The following SGCG variants were observed in gnomAD, a reference collection of about 807,000 sequenced individuals.
SGCG encodes sarcoglycan gamma.
In SGCG, 26 loss-of-function variants were observed where a neutral mutation model predicts 29.3. The ratio of observed to expected loss-of-function variants is 0.89; its 90% CI spans 0.65 to 1.23. SGCG has a LOEUF of 1.23. Among genes scored for constraint, SGCG ranks in the 50% most tolerant of loss-of-function variants. The pLI, the probability that SGCG is intolerant of heterozygous loss-of-function variation, is 0.00. For synonymous variants in SGCG, 145 were observed against 129.7 expected, an observed-to-expected ratio of 1.12 and a Z score of -0.80; for missense variants, 353 against 356.0, an observed-to-expected ratio of 0.99 and a Z score of 0.07.
At chr13:23,283,374 C>A (rs1052618399) in intron 5 of SGCG, among the ~76,000 whole-genome samples, 1 of 152,008 alleles carries the variant, frequency 6.6e-6, no homozygotes, top group Non-Finnish European at 1.5e-5. Context: ...TTATGTAATG[C>A]CCTTCTTTGT....
At chr13:23,286,829 C>A (rs145393533) in intron 5 of SGCG, among the ~76,000 whole-genome samples, 2 of 152,148 alleles carry the variant, frequency 1.3e-5, no homozygotes, top group African/African-American at 4.8e-5. Flanking sequence ...ATAAGATGAC[C>A]CGAGGTGAAT....
At chr13:23,200,152 G>C (rs189755789) in intron 1 of SGCG, among the ~76,000 whole-genome samples, 22 of 152,326 alleles carry the variant, frequency 1.4e-4, no homozygotes, top group South Asian at 8.3e-4. Context: ...GCCGGGCGTG[G>C]TGGTGCATGC....
At chr13:23,238,643 C>A (rs1879396305) in intron 3 of SGCG, among the ~76,000 whole-genome samples, 1 of 152,100 alleles carries the variant, frequency 6.6e-6, no homozygotes. Flanking sequence ...ATGCTTTTTC[C>A]AAGTGATTTG....
intron 2 of SGCG, among the ~76,000 whole-genome samples, chr13:23,223,296 A>G (rs1188314942): frequency 1.1e-3 from 146 of 138,136 alleles, no homozygotes; most frequent in African/African-American, 3.8e-3. Flanking sequence ...AAAAAAAAAA[A>G]AAGAGTACAA....
chr13:23,270,201 CAG>C (rs1210999607), intron 4 of SGCG, among the ~76,000 whole-genome samples: 1 of 152,180 alleles, frequency 6.6e-6, no homozygotes, highest in Non-Finnish European at 1.5e-5. Flanking sequence ...GGTATATCCT[CAG>C]GGTAGATTCC....
chr13:23,208,086 G>A (rs1037865417), intron 2 of SGCG, among the ~76,000 whole-genome samples: 3 of 152,048 alleles, frequency 2.0e-5, no homozygotes, highest in Non-Finnish European at 4.4e-5. Flanking sequence ...TGCTGAAATG[G>A]TAAAGTTAAA....
At chr13:23,217,427 T>G (rs1757340981) in intron 2 of SGCG, 1 of 152,140 alleles carries the variant, frequency 6.6e-6, no homozygotes, top group Non-Finnish European at 1.5e-5. Flanking sequence ...TTCAAATGCA[T>G]ATTTTAAAAA....
intron 4 of SGCG, among the ~76,000 whole-genome samples, chr13:23,262,577 C>T (rs1218875360): frequency 1.3e-5 from 2 of 151,980 alleles, no homozygotes; most frequent in African/African-American, 4.8e-5. Flanking sequence ...TTCAATACTC[C>T]ACTGACGGCA....
At chr13:23,321,959 T>G (rs74430896) in intron 7 of SGCG, among the ~76,000 whole-genome samples, 3,094 of 151,944 alleles carry the variant, frequency 0.02, 109 homozygotes, top group African/African-American at 0.07. Flanking sequence ...ATCAGACATG[T>G]TAGGGATGTT....
intron 6 of SGCG, among the ~76,000 whole-genome samples, chr13:23,310,990 A>G (rs1170045964): frequency 6.6e-6 from 1 of 152,120 alleles, no homozygotes; most frequent in East Asian, 1.9e-4. Context: ...TGTAATGTCC[A>G]CTGCTTCTTC....
intron 4 of SGCG, among the ~76,000 whole-genome samples, chr13:23,270,153 C>T (rs1880816140): frequency 6.6e-6 from 1 of 152,104 alleles, no homozygotes; most frequent in Non-Finnish European, 1.5e-5. Context: ...GGATTACAGG[C>T]GTGAGCCACG....
At chr13:23,213,753 GTA>G (rs57480642) in intron 2 of SGCG, among the ~76,000 whole-genome samples, 15,446 of 152,200 alleles carry the variant, frequency 0.1, 1,025 homozygotes, top group East Asian at 0.37. Flanking sequence ...GTGCTATAGT[GTA>G]TCTTAAGATA....
chr13:23,160,641 C>A, the SGCG span, among the ~76,000 whole-genome samples: 4 of 152,126 alleles, frequency 2.6e-5, no homozygotes, highest in South Asian at 8.3e-4. Flanking sequence ...CCAAGAAGTA[C>A]AGCAGGTAAA....
intron 1 of SGCG, among the ~76,000 whole-genome samples, chr13:23,181,971 C>T (rs1030927561): frequency 2.0e-5 from 3 of 151,916 alleles, no homozygotes; most frequent in African/African-American, 7.3e-5. Flanking sequence ...AAAAGTAATG[C>T]TACAAGTTGG....
intron 4 of SGCG, among the ~76,000 whole-genome samples, chr13:23,269,775 A>G (rs1179397310): frequency 6.7e-6 from 1 of 149,368 alleles, no homozygotes; most frequent in Non-Finnish European, 1.5e-5. Flanking sequence ...ATATATGAAC[A>G]TTTAAGTTGT....
the SGCG span, among the ~76,000 whole-genome samples, chr13:23,174,525 T>C: frequency 6.6e-6 from 1 of 152,112 alleles, no homozygotes; most frequent in Admixed American, 6.6e-5. Context: ...TTCCATATAG[T>C]AGATTAAAAA....
chr13:23,317,735 G>GT (rs1220360822), intron 6 of SGCG, among the ~76,000 whole-genome samples: 1 of 152,164 alleles, frequency 6.6e-6, no homozygotes, highest in Non-Finnish European at 1.5e-5. Flanking sequence ...TATGTTGGGT[G>GT]TAATTATGAC....
At chr13:23,181,877 C>T (rs571128304) in intron 1 of SGCG, among the ~76,000 whole-genome samples, 14 of 152,266 alleles carry the variant, frequency 9.2e-5, no homozygotes, top group Non-Finnish European at 1.5e-4. Flanking sequence ...AGTACAAAAA[C>T]GAACTACGGA....
chr13:23,323,228 A>T (rs1883114285), intron 7 of SGCG, among the ~76,000 whole-genome samples: 1 of 152,214 alleles, frequency 6.6e-6, no homozygotes, highest in Admixed American at 6.5e-5. Context: ...AATAAAAATC[A>T]AGAATGAGGC....
Sources: allele counts gnomAD v4.1 joint callset (sites outside exome capture counted in the v4.1 genomes callset), GRCh38; gene constraint gnomAD v4.1.1; transcripts MANE v1.5; gene names NCBI Gene and HGNC (gene_info 2026-07-23, HGNC 2026-07-21).